DST: variants seen among roughly 807,000 people sequenced by gnomAD.
DST encodes the protein dystonin.
DST carries 253 observed loss-of-function variants against 875.2 expected under a neutral mutation model. That is an observed-to-expected ratio of 0.29 (90% CI 0.26 to 0.32). The LOEUF (loss-of-function observed/expected upper bound fraction) is 0.32. Among genes scored for constraint, DST ranks in the 10% least tolerant of loss-of-function variants. The pLI is 1.00. For missense variants in DST, 8,287 were observed against 9,111.6 expected, an observed-to-expected ratio of 0.91 and a Z score of 3.68; for synonymous variants, 3,124 against 3,197.1, an observed-to-expected ratio of 0.98 and a Z score of 0.77.
chr6:56,498,659 T>C (rs2096004201), intron 80 of DST, among the ~76,000 whole-genome samples: 1 of 152,180 alleles, frequency 6.6e-6, no homozygotes, highest in Admixed American at 6.5e-5. Flanking sequence ...ATATATTCAT[T>C]TTCAAATATA....
At chr6:56,938,024 A>C (rs1288388357) in intron 2 of DST, among the ~76,000 whole-genome samples, 1 of 151,206 alleles carries the variant, frequency 6.6e-6, no homozygotes, top group African/African-American at 2.4e-5. Context: ...AGGCATGAGA[A>C]ATCTTTTGGG....
chr6:56,473,074 T>G (rs1245101683), intron 93 of DST, among the ~76,000 whole-genome samples: 1 of 152,296 alleles, frequency 6.6e-6, no homozygotes, highest in Non-Finnish European at 1.5e-5. Context: ...CTCACTGCAG[T>G]CCAATGAAGT....
intron 22 of DST, among the ~76,000 whole-genome samples, chr6:56,637,256 A>G (rs1232402185): frequency 2.0e-5 from 3 of 152,200 alleles, no homozygotes; most frequent in Non-Finnish European, 2.9e-5. Flanking sequence ...GAAATTTCTT[A>G]TTAAAATATA....
At chr6:56,677,992 G>A (rs139270225) in intron 9 of DST, among the ~76,000 whole-genome samples, 187 of 152,262 alleles carry the variant, frequency 1.2e-3, no homozygotes, top group African/African-American at 4.3e-3. Context: ...ACTCCACTAG[G>A]CCCACAGGCG....
intron 2 of DST, among the ~76,000 whole-genome samples, chr6:56,938,156 T>TA (rs1814240508): frequency 6.6e-6 from 1 of 151,046 alleles, no homozygotes; most frequent in Non-Finnish European, 1.5e-5. Context: ...TTTTTTGAGA[T>TA]AGATTCTTGC....
At chr6:56,471,011 T>C in intron 95 of DST, 95 bp downstream of exon 95, 1 of 1,307,814 alleles carries the variant, frequency 7.6e-7, no homozygotes, top group Non-Finnish European at 1.1e-6. Context: ...AGACAATGCT[T>C]TATTGTAACA....
chr6:56,789,777 G>A (rs1043362611), intron 4 of DST, among the ~76,000 whole-genome samples: 4 of 152,144 alleles, frequency 2.6e-5, no homozygotes, highest in Non-Finnish European at 5.9e-5. Context: ...GCATGTGTCC[G>A]AATTTCCTTC....
At position 56,463,485 on chromosome 6, in the gene DST, G is replaced by A. The variant is rs2152379903; in HGVS notation, c.22959+80C>T. On this transcript the variant is annotated intron_variant, in intron 101 of 103. Coordinates refer to ENST00000680361, the MANE Select transcript of DST (RefSeq NM_001374736.1). Reference sequence around the variant, plus strand: ...AGATAGCTGGTCCTACAAATTCTAGGGCCCTAAATAGAACATTCAAAAGTC... The same window carrying A: ...AGATAGCTGGTCCTACAAATTCTAGAGCCCTAAATAGAACATTCAAAAGTC... 2.4e-6 allele frequency: 3 copies of A among 1,271,570 alleles called. No homozygotes were observed. In the East Asian group the frequency reaches 7.2e-5, roughly 31 times the overall value. 78.8% of individuals were successfully genotyped at this position (1,271,570 alleles called of 1,614,324 possible). A position where few individuals can be genotyped will look rare whatever the true frequency, so the allele number is the denominator to read the frequency against.
intron 4 of DST, among the ~76,000 whole-genome samples, chr6:56,805,318 T>A (rs904264923): frequency 1.3e-5 from 2 of 152,128 alleles, no homozygotes; most frequent in African/African-American, 2.4e-5. Flanking sequence ...GAAAATCACA[T>A]TCACTATTGG....
At chr6:56,598,170 C>A (rs113203737) in intron 46 of DST, among the ~76,000 whole-genome samples, 164 bp from the exon 47 acceptor site, 49 of 152,298 alleles carry the variant, frequency 3.2e-4, no homozygotes, top group African/African-American at 1.2e-3. Context: ...GAGCAACAGG[C>A]AGTTACTTTG....
intron 5 of DST, among the ~76,000 whole-genome samples, chr6:56,707,319 A>C (rs1398825130): frequency 2.6e-5 from 4 of 152,256 alleles, no homozygotes; most frequent in Non-Finnish European, 5.9e-5. Flanking sequence ...TGTACATTCT[A>C]AATCTATGTA....
At chr6:56,568,044 G>T (rs1585114744) in intron 55 of DST, among the ~76,000 whole-genome samples, 1 of 152,024 alleles carries the variant, frequency 6.6e-6, no homozygotes. Flanking sequence ...GAGTGCCCAC[G>T]CTATAGAAAA....
Position 56,624,526 on chromosome 6 carries a change from T to C in DST, c.4929+4A>G, listed in dbSNP as rs367849562. 10 of 1,598,242 alleles carry C rather than the reference T, an allele frequency of 6.3e-6. No homozygotes were observed. Among genetic ancestry groups the C allele is most frequent in the Non-Finnish European group, 7.7e-6 (9 of 1,166,374 alleles). On this transcript the variant is annotated splice_donor_region_variant and intron_variant, in intron 36 of 103. Transcript: ENST00000680361. ...TTTACAGGGTGCTCACTGTTAATGA[T>C]TACCTCCTCCTCTTCCAGCCTCTTC...
In DST at chr6:56,458,936, A is replaced by C; in HGVS notation, c.*69T>G. 2 of 1,418,626 alleles carry C rather than the reference A, an allele frequency of 1.4e-6. No homozygotes were observed. The highest frequency in any genetic ancestry group is 1.9e-6 in the Non-Finnish European group (2 of 1,074,384). 87.9% of individuals were successfully genotyped at this position (1,418,626 alleles called of 1,614,324 possible). A position where few individuals can be genotyped will look rare whatever the true frequency, so the allele number is the denominator to read the frequency against. On this transcript the variant is annotated 3_prime_UTR_variant, in exon 104 of 104. Transcript: ENST00000680361. ...TGCAATATTTCACAAGAATTTCTAC[A>C]CCATATTTTACATCGTTCAAACTTA...
At chr6:56,788,859 A>T (rs763443834) in intron 4 of DST, among the ~76,000 whole-genome samples, 4 of 152,226 alleles carry the variant, frequency 2.6e-5, no homozygotes, top group Non-Finnish European at 5.9e-5. Context: ...TTGTAAGCAT[A>T]CTTATATTAA....
At chr6:56,491,520 T>C (rs115644557) in intron 85 of DST, among the ~76,000 whole-genome samples, 3,844 of 152,318 alleles carry the variant, frequency 0.025, 73 homozygotes, top group Non-Finnish European at 0.043. Flanking sequence ...TCTTTGTGTT[T>C]AGTCTAGAAT....
chr6:56,624,579 T>G lies in DST; in HGVS notation c.4880A>C (p.Gln1627Pro), dbSNP rs2152746733. 1 of 1,613,518 alleles carries G rather than the reference T, an allele frequency of 6.2e-7. No homozygotes were observed. Among genetic ancestry groups the G allele is most frequent in the Non-Finnish European group, 8.5e-7 (1 of 1,179,738 alleles). Reference sequence around the variant, plus strand: ...TGAATCACCAGCAAATTTAATATATTGTGTCATGAGAGTGACCAGGGCAGT... The same window carrying G: ...TGAATCACCAGCAAATTTAATATATGGTGTCATGAGAGTGACCAGGGCAGT... ...RYTALVTLMT[Q>P]YIKFAGDSLK... is the part of the protein sequence containing the mutation. The change falls in exon 36 of 104, where the codon CAA (glutamine) becomes CCA (proline). Residue 1627 changes from glutamine to proline, a missense_variant. Gln to Pro is a moderately conservative substitution (Grantham distance 76). Coordinates refer to ENST00000680361, the MANE Select transcript of DST (RefSeq NM_001374736.1).
chr6:56,704,334 T>C lies in DST; in HGVS notation c.723A>G (p.Leu241=). The C allele has an allele frequency of 1.3e-6, 2 of 1,577,926 alleles. No individual in the cohort carries two copies. Among genetic ancestry groups the C allele is most frequent in the Non-Finnish European group, 1.7e-6 (2 of 1,160,328 alleles). ...GAGAAATCAAATTGTGTCCATCCCT[T>C]AAGTCTTCATAGAGATCATTCACAT... ...RKHVNDLYED[L]RDGHNLISLL... The change falls in exon 6 of 104, where the codon TTA becomes TTG. Residue 241 remains leucine, a synonymous_variant. Coordinates refer to ENST00000680361, the MANE Select transcript of DST (RefSeq NM_001374736.1).
At position 56,526,512 on chromosome 6, in the gene DST, A is replaced by T. The variant is rs766728355; in HGVS notation, c.17978T>A (p.Val5993Glu). 6.2e-7 allele frequency: 1 copy of T among 1,613,754 alleles called. No homozygotes were observed. Among genetic ancestry groups the T allele is most frequent in the East Asian group, 2.2e-5 (1 of 44,882 alleles). ...TACCAGTTCCAGCAAAGCACTGCTC[A>T]CTTCATTAAGGGAGTCCAGTAAGGC... ...NKALLDSLNE[V>E]SSALLELVPW... Residue 5993 changes from valine (V) to glutamate (E), a missense_variant, in exon 69 of 104, where the codon GTG becomes GAG. Around this residue, in one of 10 missense-constraint regions of DST, gnomAD observed 777 missense variants for 764.8 expected, o/e 1.02. Coordinates refer to ENST00000680361, the MANE Select transcript of DST (RefSeq NM_001374736.1).
Sources: gnomAD v4.1 joint callset for allele counts (sites outside exome capture counted in the v4.1 genomes callset) on GRCh38, gnomAD v4.1.1 for gene constraint, gnomAD v4.1.1 regional missense constraint, MANE v1.5 for transcripts, NCBI Gene and HGNC (gene_info 2026-07-23, HGNC 2026-07-21) for gene names.